ADAMTSL1: variants seen among roughly 807,000 people sequenced by gnomAD.
ADAMTSL1 encodes the protein ADAMTS-like protein 1.
In ADAMTSL1, 126 loss-of-function variants were observed where a neutral mutation model predicts 201.8. That is an observed-to-expected ratio of 0.62 (90% confidence interval 0.54 to 0.72). ADAMTSL1 has a LOEUF of 0.72. ADAMTSL1 is among the 30% of genes least tolerant of loss of function. The pLI is 0.00. For synonymous variants in ADAMTSL1, 1,121 were observed against 903.4 expected (o/e 1.24, Z -4.32); for missense variants, 2,679 against 2,277.8 (o/e 1.18, Z -3.59).
intron 1 of ADAMTSL1, among the ~76,000 whole-genome samples, chr9:18,153,571 T>C (rs1461055445): frequency 6.6e-6 from 1 of 152,006 alleles, no homozygotes; most frequent in East Asian, 1.9e-4. Context: ...TGAAAGGTAC[T>C]TGGTTCAATG....
At chr9:18,296,816 C>T (rs192566528) in intron 2 of ADAMTSL1, among the ~76,000 whole-genome samples, 213 of 152,262 alleles carry the variant, frequency 1.4e-3, no homozygotes, top group African/African-American at 4.8e-3. Context: ...TGTGGTTTCT[C>T]TCATTTACGC....
At position 18,886,166 on chromosome 9, in the gene ADAMTSL1, GTATATATATA is replaced by G. The variant is rs751978972; in HGVS notation, c.4250-1628_4250-1619del. ...TATATATACATGTGAGTGTGTATGT[GTATATATATA>G]TATATATATATATATATATATATAT... is the stretch of plus-strand genomic sequence containing the variant. On this transcript the variant is annotated intron_variant, in intron 23 of 28. Coordinates refer to ENST00000380548, the MANE Select transcript of ADAMTSL1 (RefSeq NM_001040272.6). Among the ~76,000 whole-genome samples the G allele has an allele frequency of 4.0e-3, 149 of 37,148 alleles. 3 individuals carry two copies. Among genetic ancestry groups the G allele is most frequent in the South Asian group, 0.019 (20 of 1,038 alleles). 24.4% of individuals were successfully genotyped at this position (37,148 alleles called of 152,430 possible).
At chr9:18,028,264 A>G (rs1333804067) in intron 1 of ADAMTSL1, among the ~76,000 whole-genome samples, 1 of 152,044 alleles carries the variant, frequency 6.6e-6, no homozygotes, top group Non-Finnish European at 1.5e-5. Context: ...TGTGTACTTA[A>G]GTGTGTTTTT....
intron 2 of ADAMTSL1, among the ~76,000 whole-genome samples, chr9:18,225,744 A>T (rs902059565): frequency 1.8e-4 from 28 of 152,140 alleles, no homozygotes; most frequent in Non-Finnish European, 3.5e-4. Flanking sequence ...AAGAAAAAAA[A>T]TTCAGTTTTG....
chr9:18,693,258 CA>C (rs1240883458), intron 13 of ADAMTSL1, among the ~76,000 whole-genome samples: 1 of 152,128 alleles, frequency 6.6e-6, no homozygotes, highest in East Asian at 1.9e-4. Context: ...TTTTATTCTT[CA>C]AAATGACATT....
intron 2 of ADAMTSL1, among the ~76,000 whole-genome samples, chr9:18,384,375 G>C (rs1025226191): frequency 6.6e-6 from 1 of 152,026 alleles, no homozygotes; most frequent in Non-Finnish European, 1.5e-5. Context: ...CTCTCACCAG[G>C]TCCCTCCCCC....
chr9:18,166,086 C>A (rs1025367327), intron 2 of ADAMTSL1, among the ~76,000 whole-genome samples: 3 of 151,884 alleles, frequency 2.0e-5, no homozygotes, highest in African/African-American at 7.2e-5. Context: ...AAAGGTTGAG[C>A]AGCATACTCT....
chr9:18,272,063 A>C (rs1462872700), intron 2 of ADAMTSL1, among the ~76,000 whole-genome samples: 1 of 151,522 alleles, frequency 6.6e-6, no homozygotes, highest in Admixed American at 6.6e-5. Flanking sequence ...TTCTTTGTAG[A>C]TTCTGGATAT....
rs182056461 is a variant in ADAMTSL1 at position 18,725,204 on chromosome 9, C to T, written c.2006+3539C>T. ...TACAGGCGTGAGCCAACGTGCCCGG[C>T]CAGGATTGAACCTTTTATGTTATCA... On this transcript the variant is annotated intron_variant, in intron 15 of 28. Coordinates refer to ENST00000380548, the MANE Select transcript of ADAMTSL1 (RefSeq NM_001040272.6). Among the ~76,000 whole-genome samples, 17 of 152,198 alleles carry T rather than the reference C, an allele frequency of 1.1e-4. No individual in the cohort carries two copies. In the East Asian group the frequency reaches 3.1e-3, roughly 28 times the overall value.
intron 2 of ADAMTSL1, among the ~76,000 whole-genome samples, chr9:18,176,020 A>G: frequency 7.2e-6 from 1 of 139,582 alleles, no homozygotes; most frequent in Admixed American, 7.6e-5. Context: ...AAAAAAAAAA[A>G]AAAAAAAAAA....
intron 1 of ADAMTSL1, among the ~76,000 whole-genome samples, chr9:18,075,356 A>G (rs987040637): frequency 1.3e-5 from 2 of 152,222 alleles, no homozygotes; most frequent in African/African-American, 4.8e-5. Flanking sequence ...TCAATGTGCA[A>G]AAGAGTTTTA....
At chr9:18,583,657 C>G (rs1333292522) in intron 4 of ADAMTSL1, among the ~76,000 whole-genome samples, 1 of 152,186 alleles carries the variant, frequency 6.6e-6, no homozygotes, top group African/African-American at 2.4e-5. Flanking sequence ...TCACTCAACA[C>G]CAGCCAGTAA....
At chr9:18,375,088 C>A (rs887904872) in intron 2 of ADAMTSL1, among the ~76,000 whole-genome samples, 6 of 152,208 alleles carry the variant, frequency 3.9e-5, no homozygotes, top group Non-Finnish European at 7.3e-5. Flanking sequence ...TCACCAGATA[C>A]CCATCATATA....
At chr9:18,050,977 A>G (rs1192872620) in intron 1 of ADAMTSL1, among the ~76,000 whole-genome samples, 1 of 152,202 alleles carries the variant, frequency 6.6e-6, no homozygotes, top group Non-Finnish European at 1.5e-5. Context: ...CATTCTAATC[A>G]GTGCAATCAC....
chr9:18,287,308 T>C (rs1833027471), intron 2 of ADAMTSL1, among the ~76,000 whole-genome samples: 1 of 151,916 alleles, frequency 6.6e-6, no homozygotes, highest in Non-Finnish European at 1.5e-5. Flanking sequence ...CATACGTATA[T>C]ACATATGTAT....
At chr9:18,223,739 A>G (rs1013234204) in intron 2 of ADAMTSL1, among the ~76,000 whole-genome samples, 3 of 152,150 alleles carry the variant, frequency 2.0e-5, no homozygotes, top group Non-Finnish European at 2.9e-5. Context: ...CAATGTATCT[A>G]TCTTTAATTC....
At chr9:18,270,902 C>T (rs1430960526) in intron 2 of ADAMTSL1, among the ~76,000 whole-genome samples, 4 of 152,210 alleles carry the variant, frequency 2.6e-5, no homozygotes, top group African/African-American at 9.6e-5. Context: ...TAGTCTCTTT[C>T]CCTGTTGTTC....
chr9:17,962,426 G>C (rs559740688), intron 1 of ADAMTSL1, among the ~76,000 whole-genome samples: 79 of 152,308 alleles, frequency 5.2e-4, no homozygotes, highest in African/African-American at 1.8e-3. Context: ...ATAAGCCCTA[G>C]TTAGAGTGGA....
At chr9:18,014,060 C>T (rs1820159015) in intron 1 of ADAMTSL1, among the ~76,000 whole-genome samples, 1 of 151,956 alleles carries the variant, frequency 6.6e-6, no homozygotes. Flanking sequence ...GCATATTTGG[C>T]AATACTGCAT....
Sources: gnomAD v4.1 joint callset for allele counts (sites outside exome capture counted in the v4.1 genomes callset) on GRCh38, gnomAD v4.1.1 for gene constraint, MANE v1.5 for transcripts, NCBI Gene and HGNC (gene_info 2026-07-23, HGNC 2026-07-21) for gene names.